The following PDCD6 variants were observed in gnomAD, a reference collection of about 807,000 sequenced individuals.
PDCD6 encodes programmed cell death protein 6.
PDCD6 carries 12 observed loss-of-function variants against 28.3 expected under a neutral mutation model. The observed-to-expected ratio is 0.42, with a 90% CI of 0.27 to 0.69. The LOEUF (loss-of-function observed/expected upper bound fraction) is 0.69, where lower values mean the gene tolerates loss of function less well. Ranked by LOEUF, PDCD6 falls within the 30% of genes least tolerant of loss-of-function variation. PDCD6 has a pLI of 0.22. For missense variants in PDCD6, 226 were observed against 269.9 expected (o/e 0.84, Z 1.14); for synonymous variants, 92 against 108.0 (o/e 0.85, Z 0.92).
rs1302419477 is a variant in PDCD6, at chr5:289,669, T to G, written c.164-14508T>G. ...AGGGCTCACTGAGCAAACTTCTGAT[T>G]CAGATGTCGAAGAGTCACTGTGATT... On this transcript the variant is annotated intron_variant, in intron 2 of 5. Transcript: ENST00000264933. 59 of 1,050,000 alleles carry G rather than the reference T, an allele frequency of 5.6e-5. 1 individual carries two copies. In the South Asian group the frequency reaches 6.6e-4, roughly 12 times the overall value. 65.0% of individuals were successfully genotyped at this position (1,050,000 alleles called of 1,614,324 possible).
intron 2 of PDCD6, among the ~76,000 whole-genome samples, chr5:295,641 G>A (rs1739564245): frequency 6.9e-6 from 1 of 145,456 alleles, no homozygotes; most frequent in Non-Finnish European, 1.5e-5. Context: ...GGGTCCTCAG[G>A]AGCCTTTTTT....
At chr5:274,534 T>C (rs968466162) in intron 2 of PDCD6, among the ~76,000 whole-genome samples, 7 of 152,244 alleles carry the variant, frequency 4.6e-5, no homozygotes, top group Non-Finnish European at 7.3e-5. Context: ...ACGGAGCAAG[T>C]GCTCAGTAAT....
At chr5:290,421 C>T in intron 2 of PDCD6, 3 of 686,900 alleles carry the variant, frequency 4.4e-6, no homozygotes, top group Non-Finnish European at 5.2e-6. Flanking sequence ...CTCCCTCGCA[C>T]ACACTCCCGC....
In PDCD6 at chr5:306,594, T is replaced by G. The variant is rs1162467233; in HGVS notation, c.209-8T>G. 1.2e-6 allele frequency: 2 copies of G among 1,612,276 alleles called. No individual in the cohort carries two copies. The highest frequency in any genetic ancestry group is 1.7e-4 in the Middle Eastern group (1 of 6,032). On this transcript the variant is annotated splice_region_variant and splice_polypyrimidine_tract_variant and intron_variant, in intron 3 of 5. Coordinates refer to ENST00000264933, the MANE Select transcript of PDCD6 (RefSeq NM_013232.4). The stretch of plus-strand genomic sequence containing the variant: ...CTTTTGCTGCTTGACCGTTCCTCTC[T>G]GTCTCAGCCATGTTTGACCGTGAGA...
At chr5:290,035 A>T (rs1376520711) in intron 2 of PDCD6, 1 of 1,590,936 alleles carries the variant, frequency 6.3e-7, no homozygotes, top group African/African-American at 1.3e-5. Flanking sequence ...AGTAAAAGGG[A>T]TACTGTTAAA....
intron 2 of PDCD6, among the ~76,000 whole-genome samples, chr5:279,201 C>T (rs988201217): frequency 2.2e-5 from 3 of 138,336 alleles, no homozygotes; most frequent in Non-Finnish European, 3.0e-5. Flanking sequence ...TTTTTCATTC[C>T]CCCCTAAGAG....
At chr5:300,645 T>C (rs1356859949) in intron 2 of PDCD6, among the ~76,000 whole-genome samples, 5 of 152,220 alleles carry the variant, frequency 3.3e-5, no homozygotes, top group Non-Finnish European at 7.3e-5. Flanking sequence ...AGGCGTGAAA[T>C]GCCTGTGCGC....
intron 5 of PDCD6, 29 bp from the exon 6 acceptor site, chr5:314,388 C>G: frequency 6.5e-7 from 1 of 1,526,952 alleles, no homozygotes; most frequent in South Asian, 1.1e-5. Flanking sequence ...CATTTACTAT[C>G]GAGATTTAAA....
intron 3 of PDCD6, 33 bp from the exon 4 acceptor site, chr5:306,569 C>G (rs527810230): frequency 2.1e-5 from 34 of 1,607,310 alleles, no homozygotes; most frequent in Middle Eastern, 1.8e-4. Flanking sequence ...TGCAACTGAT[C>G]TTTTGCTGCT....
At position 305,170 on chromosome 5, in the gene PDCD6, C is replaced by G. The variant is rs879427862; in HGVS notation, c.208+949C>G. The G allele has an allele frequency of 3.6e-4, 55 of 152,406 alleles. No homozygotes were observed. The highest frequency in any genetic ancestry group is 7.3e-4 in the Non-Finnish European group (50 of 68,210). 9.4% of individuals were successfully genotyped at this position (152,406 alleles called of 1,614,324 possible). A position where few individuals can be genotyped will look rare whatever the true frequency, so the allele number is the denominator to read the frequency against. ...ACCCGACTTGATTTCTGGAAGGTTC[C>G]CTTTGCTGGGAGGTGCAGCCCCCTT... On this transcript the variant is annotated intron_variant, in intron 3 of 5. Transcript: ENST00000264933. This position sits in a 1 kb window ranked among gnomAD's most constrained non-coding sequence, Gnocchi z 4.0.
intron 2 of PDCD6, among the ~76,000 whole-genome samples, chr5:279,434 A>T (rs1738425507): frequency 6.6e-6 from 1 of 151,960 alleles, no homozygotes; most frequent in African/African-American, 2.4e-5. Flanking sequence ...GTGGAATGAG[A>T]GGCGTGTGGA....
At chr5:289,158 A>G (rs986842100) in intron 2 of PDCD6, 1 of 1,036,388 alleles carries the variant, frequency 9.6e-7, no homozygotes, top group Non-Finnish European at 1.4e-6. Flanking sequence ...AAAAGACTCT[A>G]AAAATAAGCA....
rs1354478680 is a variant in PDCD6 at position 305,559 on chromosome 5, T to C, written c.209-1043T>C. The C allele has an allele frequency of 6.6e-6, 1 of 152,118 alleles. No individual in the cohort carries two copies. Among genetic ancestry groups the C allele is most frequent in the Non-Finnish European group, 1.5e-5 (1 of 68,020 alleles). 9.4% of individuals were successfully genotyped at this position (152,118 alleles called of 1,614,324 possible). A position where few individuals can be genotyped will look rare whatever the true frequency, so the allele number is the denominator to read the frequency against. On this transcript the variant is annotated intron_variant, in intron 3 of 5. Coordinates refer to ENST00000264933, the MANE Select transcript of PDCD6 (RefSeq NM_013232.4). The surrounding 1 kb of genome is among the most constrained non-coding windows in gnomAD (Gnocchi z 4.0). ...GAGCTACCTCCCCACCGGAGAGGAA[T>C]GGCCTGGGAGCCACTCCTCTGCGGA...
At chr5:277,932 A>C (rs1340712872) in intron 2 of PDCD6, among the ~76,000 whole-genome samples, 1 of 146,252 alleles carries the variant, frequency 6.8e-6, no homozygotes, top group African/African-American at 2.5e-5. Context: ...AAAAAAAAAG[A>C]ATAGAATAAC....
intron 2 of PDCD6, among the ~76,000 whole-genome samples, chr5:298,551 G>C (rs1198983620): frequency 2.0e-5 from 3 of 151,578 alleles, no homozygotes; most frequent in Admixed American, 6.6e-5. Context: ...AGGGATTAGG[G>C]TTCCTCCCGG....
chr5:301,428 T>C (rs911458755), intron 2 of PDCD6, among the ~76,000 whole-genome samples: 9 of 152,372 alleles, frequency 5.9e-5, no homozygotes, highest in Non-Finnish European at 8.8e-5. Flanking sequence ...TTCTGTAGCC[T>C]ATCTTTGCTT....
intron 2 of PDCD6, among the ~76,000 whole-genome samples, chr5:275,154 C>G (rs1482093040): frequency 6.6e-6 from 1 of 152,312 alleles, no homozygotes; most frequent in African/African-American, 2.4e-5. Flanking sequence ...GGTGCAGTGG[C>G]TCACGCCTGA....
At chr5:285,205 C>T (rs1182216876) in intron 2 of PDCD6, among the ~76,000 whole-genome samples, 7 of 150,444 alleles carry the variant, frequency 4.7e-5, no homozygotes, top group African/African-American at 1.7e-4. Flanking sequence ...AGCAGACGTT[C>T]TAGTTTTAGG....
intron 2 of PDCD6, among the ~76,000 whole-genome samples, chr5:286,181 G>C (rs1404207429): frequency 6.6e-6 from 1 of 151,926 alleles, no homozygotes; most frequent in Non-Finnish European, 1.5e-5. Context: ...TGCAGCTGGA[G>C]ACCCAGGTGG....
Sources: gnomAD v4.1 joint callset for allele counts (sites outside exome capture counted in the v4.1 genomes callset) on GRCh38, gnomAD v4.1.1 for gene constraint, Gnocchi (gnomAD v3.1) non-coding constraint, MANE v1.5 for transcripts, NCBI Gene and HGNC (gene_info 2026-07-23, HGNC 2026-07-21) for gene names.